The following MAPKAP1 variants were observed in gnomAD, a reference collection of about 807,000 sequenced individuals.
MAPKAP1 encodes the protein MAPK associated protein 1.
Under a neutral mutation model 65.7 loss-of-function variants are expected in MAPKAP1, and 20 were observed. That is an observed-to-expected ratio of 0.30 (90% CI 0.21 to 0.44). The LOEUF (loss-of-function observed/expected upper bound fraction) is 0.44, where lower values mean the gene tolerates loss of function less well. MAPKAP1 is among the 20% of genes least tolerant of loss of function. MAPKAP1 has a pLI of 1.00. For missense variants in MAPKAP1, 423 were observed against 648.0 expected, an observed-to-expected ratio of 0.65 and a Z score of 3.77; for synonymous variants, 222 against 244.3, an observed-to-expected ratio of 0.91 and a Z score of 0.85.
chr9:125,588,054 TC>T (rs1831841629), intron 4 of MAPKAP1, among the ~76,000 whole-genome samples: 1 of 152,208 alleles, frequency 6.6e-6, no homozygotes, highest in Non-Finnish European at 1.5e-5. Context: ...ACCAAGCGAT[TC>T]CATTCCTAGG....
intron 8 of MAPKAP1, among the ~76,000 whole-genome samples, chr9:125,500,631 A>G (rs1314818875): frequency 1.3e-5 from 2 of 152,258 alleles, no homozygotes; most frequent in Admixed American, 6.5e-5. Context: ...CTGGAAAGAT[A>G]TGGAAGAAAC....
chr9:125,655,337 AG>A, intron 4 of MAPKAP1, among the ~76,000 whole-genome samples: 1 of 152,354 alleles, frequency 6.6e-6, no homozygotes, highest in South Asian at 2.1e-4. Context: ...AATTATTAAG[AG>A]TCAACTCTCA....
chr9:125,635,411 C>T (rs941660011), intron 4 of MAPKAP1, among the ~76,000 whole-genome samples: 2 of 152,216 alleles, frequency 1.3e-5, no homozygotes, highest in African/African-American at 4.8e-5. Context: ...TCCCCAGCTG[C>T]TGCTCAATTA....
intron 8 of MAPKAP1, among the ~76,000 whole-genome samples, chr9:125,489,784 GAGA>G (rs1854633382): frequency 6.6e-6 from 1 of 152,144 alleles, no homozygotes; most frequent in Non-Finnish European, 1.5e-5. Flanking sequence ...AAGAAAGAAA[GAGA>G]AGGTGCTGGG....
rs948456977 is a variant in MAPKAP1, at chr9:125,672,733, C to T, written c.-69-90G>A. The T allele has an allele frequency of 1.9e-5, 15 of 778,558 alleles. No individual in the cohort carries two copies. In the Admixed American group the frequency reaches 2.7e-4, roughly 14 times the overall value. 48.2% of individuals were successfully genotyped at this position (778,558 alleles called of 1,614,324 possible). ...AGACACATTCAGTGTAGTAAAATGC[C>T]ACCTTGAAAATCAACATTTATCCCT... On this transcript the variant is annotated intron_variant, in intron 1 of 11. Coordinates refer to ENST00000265960, the MANE Select transcript of MAPKAP1 (RefSeq NM_001006617.3).
At chr9:125,540,488 G>C (rs1830210836) in intron 7 of MAPKAP1, among the ~76,000 whole-genome samples, 1 of 152,208 alleles carries the variant, frequency 6.6e-6, no homozygotes, top group Non-Finnish European at 1.5e-5. Flanking sequence ...ACTCTACATG[G>C]CATGTGTATT....
intron 5 of MAPKAP1, chr9:125,568,771 A>G: frequency 6.4e-6 from 1 of 155,486 alleles, no homozygotes; most frequent in South Asian, 1.9e-4. Flanking sequence ...CTTGGCCCCC[A>G]GGGCAATGGT....
intron 7 of MAPKAP1, among the ~76,000 whole-genome samples, chr9:125,511,779 A>C (rs1829308034): frequency 6.6e-6 from 1 of 152,208 alleles, no homozygotes. Context: ...CACACTTTGG[A>C]AAGAGGATTT....
At chr9:125,585,012 G>C (rs1393755578) in intron 5 of MAPKAP1, among the ~76,000 whole-genome samples, 1 of 152,142 alleles carries the variant, frequency 6.6e-6, no homozygotes, top group Non-Finnish European at 1.5e-5. Context: ...TCGGACCAAA[G>C]GTTCTATAGA....
At chr9:125,577,889 T>C (rs1238888674) in intron 5 of MAPKAP1, among the ~76,000 whole-genome samples, 3 of 148,096 alleles carry the variant, frequency 2.0e-5, no homozygotes, top group Admixed American at 2.0e-4. Flanking sequence ...TACTGGGAGG[T>C]GAGGAGCCCC....
In MAPKAP1 at chr9:125,575,117, T is replaced by G. The variant is rs117605875; in HGVS notation, c.671+10438A>C. Among the ~76,000 whole-genome samples the G allele has an allele frequency of 3.1e-3, 471 of 152,326 alleles. 2 individuals carry two copies. Among genetic ancestry groups the G allele is most frequent in the Middle Eastern group, 6.8e-3 (2 of 294 alleles). On this transcript the variant is annotated intron_variant, in intron 5 of 11. Coordinates refer to ENST00000265960, the MANE Select transcript of MAPKAP1 (RefSeq NM_001006617.3). ...CTATGATTCTAGTACTTTGGGAGACTGAGGCAGGATGATTGCTTTAAGCCA... is the reference window on the plus strand; with the variant it reads ...CTATGATTCTAGTACTTTGGGAGACGGAGGCAGGATGATTGCTTTAAGCCA...
chr9:125,454,065 A>G (rs1309453926), intron 10 of MAPKAP1, among the ~76,000 whole-genome samples: 1 of 152,258 alleles, frequency 6.6e-6, no homozygotes, highest in Non-Finnish European at 1.5e-5. Flanking sequence ...GAAACAAACA[A>G]CTGGTTCAGC....
At chr9:125,615,683 T>C (rs1832725337) in intron 4 of MAPKAP1, among the ~76,000 whole-genome samples, 1 of 151,392 alleles carries the variant, frequency 6.6e-6, no homozygotes, top group Non-Finnish European at 1.5e-5. Context: ...GAGGCCAAGG[T>C]GAGTGGATAA....
Position 125,506,377 on chromosome 9 carries a change from G to A in MAPKAP1, c.999C>T (p.Val333=), listed in dbSNP as rs141852994. 244 of 1,614,026 alleles carry A rather than the reference G, an allele frequency of 1.5e-4. No individual in the cohort carries two copies. Among genetic ancestry groups the A allele is most frequent in the Non-Finnish European group, 1.9e-4 (224 of 1,180,034 alleles). Residue 333 remains valine (V), a synonymous_variant, in exon 8 of 12, where the codon GTC becomes GTT. Coordinates refer to ENST00000265960, the MANE Select transcript of MAPKAP1 (RefSeq NM_001006617.3). ...YRLEKQSEPN[V]AVDLDSTLES... is the part of the protein sequence containing the mutation. ...CCAAAGTGCTGTCCAGGTCAACGGC[G>A]ACATTGGGCTCGCTCTGCTTCTCCA...
Position 125,657,812 on chromosome 9 carries a change from AG to A in MAPKAP1, c.350-14del. ...TTTAACTCCTGGGCTGTGATACAAG[AG>A]GAAGAAAAACATCTTTGTGATTACA... On this transcript the variant is annotated splice_polypyrimidine_tract_variant and intron_variant, in intron 3 of 11. Coordinates refer to ENST00000265960, the MANE Select transcript of MAPKAP1 (RefSeq NM_001006617.3). The A allele has an allele frequency of 1.2e-6, 2 of 1,610,782 alleles. No individual in the cohort carries two copies. Among genetic ancestry groups the A allele is most frequent in the East Asian group, 4.5e-5 (2 of 44,862 alleles).
chr9:125,618,446 A>G (rs534290291), intron 4 of MAPKAP1, among the ~76,000 whole-genome samples: 1 of 152,084 alleles, frequency 6.6e-6, no homozygotes, highest in South Asian at 2.1e-4. Context: ...AGAAAGCAGG[A>G]AAATAAAATC....
At chr9:125,588,380 G>C (rs1199121559) in intron 4 of MAPKAP1, among the ~76,000 whole-genome samples, 1 of 152,198 alleles carries the variant, frequency 6.6e-6, no homozygotes, top group African/African-American at 2.4e-5. Context: ...AAGTAGATTA[G>C]CGGTTGGCAG....
intron 5 of MAPKAP1, 103 bp downstream of exon 5, chr9:125,585,452 G>A: frequency 1.6e-6 from 2 of 1,250,138 alleles, no homozygotes; most frequent in Non-Finnish European, 2.3e-6. Context: ...GTGCAGAAGT[G>A]TGGTTCCAGG....
intron 5 of MAPKAP1, among the ~76,000 whole-genome samples, chr9:125,572,690 C>T (rs1332212347): frequency 6.6e-6 from 1 of 152,196 alleles, no homozygotes; most frequent in African/African-American, 2.4e-5. Flanking sequence ...ATTCTGGGCA[C>T]ATTACAATCA....
Sources: gnomAD v4.1 joint callset for allele counts (sites outside exome capture counted in the v4.1 genomes callset) on GRCh38, gnomAD v4.1.1 for gene constraint, MANE v1.5 for transcripts, NCBI Gene and HGNC (gene_info 2026-07-23, HGNC 2026-07-21) for gene names.